FBXL7: variants seen among roughly 807,000 people sequenced by gnomAD.
FBXL7 encodes the protein F-box/LRR-repeat protein 7.
FBXL7 carries 12 observed loss-of-function variants against 38.3 expected under a neutral mutation model. That is an observed-to-expected ratio of 0.31 (90% confidence interval 0.20 to 0.51). The LOEUF is 0.51. Among genes scored for constraint, FBXL7 ranks in the 20% least tolerant of loss-of-function variants. The pLI is 0.98. For synonymous variants in FBXL7, 297 were observed against 300.9 expected (o/e 0.99, Z 0.13); for missense variants, 567 against 676.4 (o/e 0.84, Z 1.79).
At chr5:15,730,007 T>G (rs1267623169) in intron 2 of FBXL7, among the ~76,000 whole-genome samples, 1 of 152,182 alleles carries the variant, frequency 6.6e-6, no homozygotes, top group Admixed American at 6.6e-5. Flanking sequence ...CGAGTTCCCA[T>G]GAGAAACAAA....
intron 2 of FBXL7, among the ~76,000 whole-genome samples, chr5:15,926,542 G>C (rs933455248): frequency 2.6e-5 from 4 of 151,342 alleles, no homozygotes; most frequent in African/African-American, 7.3e-5. Context: ...TAGAGAGAAA[G>C]ACTAAATTCT....
At chr5:15,882,968 G>A (rs1234747291) in intron 2 of FBXL7, among the ~76,000 whole-genome samples, 1 of 151,540 alleles carries the variant, frequency 6.6e-6, no homozygotes, top group Non-Finnish European at 1.5e-5. Context: ...AATCATTTTA[G>A]AAAAAAAAAT....
intron 2 of FBXL7, among the ~76,000 whole-genome samples, chr5:15,634,641 G>A (rs911637215): frequency 1.3e-5 from 2 of 152,094 alleles, no homozygotes; most frequent in Admixed American, 1.3e-4. Flanking sequence ...GTTTCCTGAT[G>A]CTACTATAAC....
chr5:15,745,272 G>A (rs181794347), intron 2 of FBXL7, among the ~76,000 whole-genome samples: 1 of 152,252 alleles, frequency 6.6e-6, no homozygotes, highest in African/African-American at 2.4e-5. Flanking sequence ...ATCCTAGGTA[G>A]CAAAACCCTA....
chr5:15,655,231 C>T (rs1483398769), intron 2 of FBXL7, among the ~76,000 whole-genome samples: 1 of 152,180 alleles, frequency 6.6e-6, no homozygotes, highest in Non-Finnish European at 1.5e-5. Context: ...TGCGGTGGCT[C>T]ACGCCTGTAA....
intron 2 of FBXL7, among the ~76,000 whole-genome samples, chr5:15,776,234 A>G (rs1445697578): frequency 6.6e-6 from 1 of 152,128 alleles, no homozygotes; most frequent in African/African-American, 2.4e-5. Flanking sequence ...TTGCATGCAG[A>G]TTAGCAAGAA....
At chr5:15,688,482 G>A (rs537935232) in intron 2 of FBXL7, among the ~76,000 whole-genome samples, 57 of 152,100 alleles carry the variant, frequency 3.7e-4, no homozygotes, top group African/African-American at 6.3e-4. Flanking sequence ...TTAGCCATCC[G>A]GTAACACAAA....
intron 2 of FBXL7, among the ~76,000 whole-genome samples, chr5:15,919,849 C>G (rs775486527): frequency 1.3e-5 from 2 of 152,118 alleles, no homozygotes; most frequent in African/African-American, 4.8e-5. Context: ...GGCATTCTCA[C>G]CATAGAGCCA....
chr5:15,929,585 C>A (rs1292308348), intron 3 of FBXL7, among the ~76,000 whole-genome samples: 1 of 148,138 alleles, frequency 6.8e-6, no homozygotes, highest in Non-Finnish European at 1.5e-5. Flanking sequence ...GATCATACCA[C>A]TGCACTCCAG....
chr5:15,598,134 A>C (rs1221431587), intron 1 of FBXL7, among the ~76,000 whole-genome samples: 1 of 152,206 alleles, frequency 6.6e-6, no homozygotes, highest in African/African-American at 2.4e-5. Flanking sequence ...CATAGATTAT[A>C]GGTGGAAGCT....
intron 2 of FBXL7, among the ~76,000 whole-genome samples, chr5:15,835,390 A>T (rs1738566575): frequency 6.6e-6 from 1 of 152,238 alleles, no homozygotes; most frequent in African/African-American, 2.4e-5. Context: ...TTAGAATTAT[A>T]ATATGAAATT....
chr5:15,593,154 A>G (rs1739530202), intron 1 of FBXL7, among the ~76,000 whole-genome samples: 1 of 152,146 alleles, frequency 6.6e-6, no homozygotes, highest in African/African-American at 2.4e-5. Context: ...TTTGCTTGAC[A>G]TTTTGTTCCC....
chr5:15,559,466 C>T (rs1358373520), intron 1 of FBXL7, among the ~76,000 whole-genome samples: 2 of 152,152 alleles, frequency 1.3e-5, no homozygotes, highest in Non-Finnish European at 2.9e-5. Flanking sequence ...CCTTATATTA[C>T]ATTTAAATTT....
At chr5:15,551,922 C>T (rs1313392388) in intron 1 of FBXL7, among the ~76,000 whole-genome samples, 3 of 152,132 alleles carry the variant, frequency 2.0e-5, no homozygotes, top group South Asian at 2.1e-4. Flanking sequence ...TCTCCTCTGT[C>T]GTCTTGTTCT....
At chr5:15,895,116 G>A (rs62348083) in intron 2 of FBXL7, among the ~76,000 whole-genome samples, 80,807 of 151,988 alleles carry the variant, frequency 0.53, 22,733 homozygotes, top group Non-Finnish European at 0.63. Flanking sequence ...TCGTTAATCT[G>A]TTAGGTTGGC....
At chr5:15,919,739 T>C (rs1741690960) in intron 2 of FBXL7, among the ~76,000 whole-genome samples, 1 of 152,214 alleles carries the variant, frequency 6.6e-6, no homozygotes. Flanking sequence ...TCAAACGTTA[T>C]ATTTATTGTC....
intron 2 of FBXL7, among the ~76,000 whole-genome samples, chr5:15,743,107 C>T (rs1335802953): frequency 6.6e-6 from 1 of 152,130 alleles, no homozygotes; most frequent in Non-Finnish European, 1.5e-5. Flanking sequence ...TATCATCTCA[C>T]TCCTGGCCCC....
chr5:15,743,382 G>C (rs1409169851), intron 2 of FBXL7, among the ~76,000 whole-genome samples: 1 of 152,212 alleles, frequency 6.6e-6, no homozygotes, highest in African/African-American at 2.4e-5. Context: ...CAGGCCTCAT[G>C]CAAGTCTGAA....
chr5:15,638,093 A>AC (rs1389068299), intron 2 of FBXL7, among the ~76,000 whole-genome samples: 2 of 152,044 alleles, frequency 1.3e-5, no homozygotes, highest in Non-Finnish European at 1.5e-5. Context: ...CAATGTCACC[A>AC]CCCCCCAGGT....
Sources: allele counts gnomAD v4.1 joint callset (sites outside exome capture counted in the v4.1 genomes callset), GRCh38; gene constraint gnomAD v4.1.1; transcripts MANE v1.5; gene names NCBI Gene and HGNC (gene_info 2026-07-23, HGNC 2026-07-21).